The following PCBP3 variants were observed in gnomAD, a reference collection of about 807,000 sequenced individuals.
PCBP3 encodes poly(rC) binding protein 3, also known as poly(rC)-binding protein 3.
A neutral mutation model predicts 52.7 loss-of-function variants in PCBP3; 25 were observed. That is an observed-to-expected ratio of 0.47 (90% CI 0.35 to 0.66). PCBP3 has a LOEUF of 0.66. PCBP3 is among the 30% of genes least tolerant of loss of function. The probability of loss-of-function intolerance (pLI) is 0.01; values close to 1 mark genes in which losing one functional copy is unlikely to be tolerated. For missense variants in PCBP3, 391 were observed against 490.3 expected (o/e 0.80, Z 1.91); for synonymous variants, 162 against 183.0 (o/e 0.89, Z 0.93).
intron 3 of PCBP3, chr21:45,750,930 G>A (rs2087427105): frequency 6.6e-6 from 1 of 151,926 alleles, no homozygotes; most frequent in Non-Finnish European, 1.5e-5. Context: ...ATGCATATAT[G>A]TGCGTGTATA....
At chr21:45,720,782 G>C (rs183935452) in intron 2 of PCBP3, among the ~76,000 whole-genome samples, 18 of 152,336 alleles carry the variant, frequency 1.2e-4, no homozygotes, top group Admixed American at 8.5e-4. Context: ...CTTGCACACT[G>C]ACCAGGAGGG....
intron 3 of PCBP3, among the ~76,000 whole-genome samples, chr21:45,753,519 A>G (rs1434815651): frequency 6.6e-6 from 1 of 152,146 alleles, no homozygotes; most frequent in Non-Finnish European, 1.5e-5. Context: ...CCTTTTAAAG[A>G]CTAGAACATT....
intron 1 of PCBP3, among the ~76,000 whole-genome samples, chr21:45,653,286 G>GT (rs1023743084): frequency 5.9e-5 from 9 of 151,816 alleles, no homozygotes; most frequent in East Asian, 1.9e-4. Context: ...TTTCTTACTA[G>GT]TTTTTTTTGG....
At chr21:45,779,869 C>T (rs2090509704) in intron 4 of PCBP3, among the ~76,000 whole-genome samples, 1 of 152,078 alleles carries the variant, frequency 6.6e-6, no homozygotes, top group African/African-American at 2.4e-5. Context: ...GGTTTTATGA[C>T]TTATTATAGG....
intron 15 of PCBP3, among the ~76,000 whole-genome samples, chr21:45,932,595 T>C (rs1197896952): frequency 6.6e-6 from 1 of 151,678 alleles, no homozygotes; most frequent in Non-Finnish European, 1.5e-5. Context: ...ACCTGGGCCA[T>C]GCTGTCCCGA....
At chr21:45,818,623 T>G (rs12482853) in intron 4 of PCBP3, among the ~76,000 whole-genome samples, 1 of 152,148 alleles carries the variant, frequency 6.6e-6, no homozygotes, top group African/African-American at 2.4e-5. Context: ...CAAACTAAAA[T>G]CTCTCTAACC....
At chr21:45,843,771 A>G (rs1603449318) in intron 4 of PCBP3, among the ~76,000 whole-genome samples, 2 of 152,354 alleles carry the variant, frequency 1.3e-5, no homozygotes, top group South Asian at 4.1e-4. Flanking sequence ...AACCTGCAAT[A>G]TGAACTAAAA....
intron 2 of PCBP3, among the ~76,000 whole-genome samples, chr21:45,675,652 A>C: frequency 6.6e-6 from 1 of 152,284 alleles, no homozygotes; most frequent in East Asian, 1.9e-4. Context: ...TGCCATAGCA[A>C]CCACAGTAAG....
chr21:45,680,647 G>A (rs1486362656), intron 2 of PCBP3, among the ~76,000 whole-genome samples: 2 of 152,064 alleles, frequency 1.3e-5, no homozygotes, highest in Non-Finnish European at 2.9e-5. Context: ...TGCAGATTTG[G>A]ACAATTTAGT....
intron 2 of PCBP3, among the ~76,000 whole-genome samples, chr21:45,703,869 G>A (rs1435197637): frequency 2.6e-5 from 4 of 152,142 alleles, no homozygotes; most frequent in African/African-American, 7.2e-5. Context: ...TGGCTTGATA[G>A]CCTAGCAAGG....
intron 2 of PCBP3, among the ~76,000 whole-genome samples, chr21:45,689,004 T>C (rs1312237916): frequency 1.3e-5 from 2 of 152,028 alleles, no homozygotes; most frequent in Non-Finnish European, 2.9e-5. Flanking sequence ...CTATCAAAAG[T>C]TTGAGAAAAA....
At chr21:45,900,408 G>T (rs952545160) in intron 7 of PCBP3, among the ~76,000 whole-genome samples, 183 bp from the exon 8 acceptor site, 1 of 152,178 alleles carries the variant, frequency 6.6e-6, no homozygotes, top group Admixed American at 6.5e-5. Context: ...TGAAATGTCT[G>T]CCAGGGTGTG....
chr21:45,863,850 CAG>C (rs1218648802), intron 5 of PCBP3, among the ~76,000 whole-genome samples: 6 of 152,122 alleles, frequency 3.9e-5, no homozygotes, highest in African/African-American at 1.2e-4. Context: ...ATGTGGCAGG[CAG>C]AGTTTGTGCT....
At chr21:45,935,845 C>A (rs1206262630) in intron 16 of PCBP3, among the ~76,000 whole-genome samples, 1 of 152,248 alleles carries the variant, frequency 6.6e-6, no homozygotes, top group Non-Finnish European at 1.5e-5. Flanking sequence ...ACGAGCTCCC[C>A]TCAACACACA....
At chr21:45,712,110 G>A (rs1473249313) in intron 2 of PCBP3, among the ~76,000 whole-genome samples, 1 of 152,134 alleles carries the variant, frequency 6.6e-6, no homozygotes, top group African/African-American at 2.4e-5. Context: ...ATAATATTCT[G>A]TTGTATAAAT....
At chr21:45,728,989 A>C (rs1329035617) in intron 2 of PCBP3, among the ~76,000 whole-genome samples, 1 of 152,208 alleles carries the variant, frequency 6.6e-6, no homozygotes, top group Non-Finnish European at 1.5e-5. Flanking sequence ...ATGTTGTACA[A>C]CCAGTACCCA....
At position 45,834,889 on chromosome 21, in the gene PCBP3, G is replaced by A. The variant is rs543834304; in HGVS notation, c.-125-15072G>A. On this transcript the variant is annotated intron_variant, in intron 4 of 17. Transcript: ENST00000681687. ...GAGCGCTGAGTGCACAACCCAGCTC[G>A]GGAGGCCTGCGGCAGCAGGAATGGG... Among the ~76,000 whole-genome samples the A allele has an allele frequency of 5.9e-5, 9 of 152,358 alleles. No homozygotes were observed. The East Asian group carries it at 1.2e-3, about 20-fold the overall frequency.
chr21:45,647,023 T>C (rs772587894), intron 1 of PCBP3, among the ~76,000 whole-genome samples: 1 of 151,488 alleles, frequency 6.6e-6, no homozygotes, highest in East Asian at 2.0e-4. Flanking sequence ...TTGAGGTTAA[T>C]GTTGTCAGTT....
At chr21:45,898,344 TGC>T (rs1447115217) in intron 6 of PCBP3, among the ~76,000 whole-genome samples, 1,293 of 61,690 alleles carry the variant, frequency 0.021, 106 homozygotes, top group African/African-American at 0.068. Context: ...AGCCTCCCTC[TGC>T]ACACCATCCT....
Sources: gnomAD v4.1 joint callset for allele counts (sites outside exome capture counted in the v4.1 genomes callset) on GRCh38, gnomAD v4.1.1 for gene constraint, MANE v1.5 for transcripts, NCBI Gene and HGNC (gene_info 2026-07-23, HGNC 2026-07-21) for gene names.